The following RSRC1 variants were observed in gnomAD, a reference collection of about 807,000 sequenced individuals.
RSRC1 encodes serine/Arginine-related protein 53.
In RSRC1, 39 loss-of-function variants were observed where a neutral mutation model predicts 49.1. That is an observed-to-expected ratio of 0.79 (90% CI 0.61 to 1.04). The LOEUF is 1.04. Among genes scored for constraint, RSRC1 ranks in the 50% least tolerant of loss-of-function variants. The probability of loss-of-function intolerance (pLI) is 0.00; values close to 1 mark genes in which losing one functional copy is unlikely to be tolerated. For missense variants in RSRC1, 388 were observed against 402.4 expected (o/e 0.96, Z 0.31); for synonymous variants, 143 against 130.8 (o/e 1.09, Z -0.63).
intron 6 of RSRC1, among the ~76,000 whole-genome samples, chr3:158,405,976 T>A (rs1001325259): frequency 3.3e-5 from 5 of 152,094 alleles, no homozygotes; most frequent in Admixed American, 6.6e-5. Context: ...ACATGAAAAT[T>A]TATGTCAATA....
In RSRC1 at chr3:158,403,016, G is replaced by A. The variant is rs148540160; in HGVS notation, c.583+48108G>A. ...CCTAAAGTATCATATTCACTCTGCT[G>A]TTTTTATGGGTGCTAATACACTTTG... is the stretch of plus-strand genomic sequence containing the variant. On this transcript the variant is annotated intron_variant, in intron 6 of 9. Coordinates refer to ENST00000611884, the MANE Select transcript of RSRC1 (RefSeq NM_001271838.2). Among the ~76,000 whole-genome samples the A allele has an allele frequency of 4.7e-3, 708 of 151,882 alleles. 2 individuals are homozygous for A. Among genetic ancestry groups the A allele is most frequent in the Middle Eastern group, 0.02 (6 of 294 alleles).
chr3:158,435,683 C>T lies in RSRC1; in HGVS notation c.584-25252C>T, dbSNP rs1736005382. On this transcript the variant is annotated intron_variant, in intron 6 of 9. Transcript: ENST00000611884. ...TTCTAATTTTTAATATTGAATTATA[C>T]CCTAAATGAATTTTTTAGTAAGGGA... Among the ~76,000 whole-genome samples the T allele has an allele frequency of 2.0e-5, 3 of 151,434 alleles. No individual in the cohort carries two copies. In the South Asian group the frequency reaches 6.3e-4, roughly 32 times the overall value.
intron 6 of RSRC1, among the ~76,000 whole-genome samples, chr3:158,366,923 T>C (rs1426935430): frequency 6.6e-6 from 1 of 152,168 alleles, no homozygotes; most frequent in African/African-American, 2.4e-5. Context: ...TGAATGGGAG[T>C]TCACTCATGA....
chr3:158,230,035 G>A (rs1254375238), intron 4 of RSRC1, among the ~76,000 whole-genome samples: 1 of 151,970 alleles, frequency 6.6e-6, no homozygotes, highest in Non-Finnish European at 1.5e-5. Flanking sequence ...ATGCGATCTA[G>A]GATCATATAC....
At chr3:158,123,040 T>G (rs900133093) in intron 2 of RSRC1, among the ~76,000 whole-genome samples, 2 of 152,160 alleles carry the variant, frequency 1.3e-5, no homozygotes, top group African/African-American at 4.8e-5. Context: ...CAACGGAGTT[T>G]TGCTCTTGTT....
chr3:158,426,254 A>G (rs1022582305), intron 6 of RSRC1, among the ~76,000 whole-genome samples: 3 of 151,680 alleles, frequency 2.0e-5, no homozygotes, highest in Admixed American at 6.6e-5. Context: ...AAGGCAAAAT[A>G]AACAAAGTCA....
chr3:158,517,133 G>A (rs1236546452), intron 7 of RSRC1, among the ~76,000 whole-genome samples: 1 of 151,920 alleles, frequency 6.6e-6, no homozygotes, highest in African/African-American at 2.4e-5. Context: ...CCATTTGTTG[G>A]ATTTATTCCT....
intron 4 of RSRC1, among the ~76,000 whole-genome samples, chr3:158,239,021 G>GA (rs946825127): frequency 1.8e-4 from 27 of 149,752 alleles, no homozygotes; most frequent in East Asian, 5.9e-4. Flanking sequence ...AAATTTACAA[G>GA]AAAAAAAAAC....
At chr3:158,400,514 A>G (rs1407947041) in intron 6 of RSRC1, among the ~76,000 whole-genome samples, 1 of 152,102 alleles carries the variant, frequency 6.6e-6, no homozygotes, top group Non-Finnish European at 1.5e-5. Flanking sequence ...AGCTCCATGC[A>G]TGTTATTACC....
At chr3:158,239,718 T>C (rs1420141743) in intron 4 of RSRC1, among the ~76,000 whole-genome samples, 2 of 151,938 alleles carry the variant, frequency 1.3e-5, no homozygotes, top group African/African-American at 4.8e-5. Flanking sequence ...GAACTTAAAG[T>C]ATTAAAAAAA....
chr3:158,469,539 TAAAGCCTGTATAATA>T, intron 7 of RSRC1: 1 of 186,778 alleles, frequency 5.4e-6, no homozygotes, highest in Admixed American at 6.1e-5. Flanking sequence ...TGGTTATAGC[TAAAGCCTGTATAATA>T]TGTTTGAATG....
At chr3:158,122,050 C>T (rs1269710940) in intron 1 of RSRC1, 53 bp from the exon 2 acceptor site, 1 of 1,020,906 alleles carries the variant, frequency 9.8e-7, no homozygotes, top group Non-Finnish European at 1.4e-6. Flanking sequence ...TATTGCATTT[C>T]ATCCATTGTG....
intron 3 of RSRC1, among the ~76,000 whole-genome samples, chr3:158,178,722 A>G (rs1719406624): frequency 6.6e-6 from 1 of 152,158 alleles, no homozygotes; most frequent in African/African-American, 2.4e-5. Flanking sequence ...ATTACATTAA[A>G]TTTGTGAATT....
At chr3:158,302,368 A>G (rs1727601575) in intron 5 of RSRC1, among the ~76,000 whole-genome samples, 1 of 152,156 alleles carries the variant, frequency 6.6e-6, no homozygotes, top group East Asian at 1.9e-4. Flanking sequence ...CTTAAAGGAA[A>G]TGAGTGAAAA....
At chr3:158,259,975 G>A (rs1724796501) in intron 4 of RSRC1, among the ~76,000 whole-genome samples, 2 of 151,886 alleles carry the variant, frequency 1.3e-5, no homozygotes, top group Admixed American at 1.3e-4. Flanking sequence ...CTTCAGGTAA[G>A]TTGGGTCCCC....
At chr3:158,190,426 T>C (rs1386973584) in intron 3 of RSRC1, among the ~76,000 whole-genome samples, 1 of 151,874 alleles carries the variant, frequency 6.6e-6, no homozygotes, top group African/African-American at 2.4e-5. Context: ...GTTTTCTTTC[T>C]TTTGGCCCTT....
intron 7 of RSRC1, among the ~76,000 whole-genome samples, chr3:158,472,927 T>G (rs1245907775): frequency 1.3e-5 from 2 of 152,204 alleles, no homozygotes; most frequent in African/African-American, 4.8e-5. Context: ...CATGCATCAC[T>G]GGCCATCAGA....
At chr3:158,284,043 TCC>T (rs1364876387) in intron 4 of RSRC1, among the ~76,000 whole-genome samples, 3 of 143,952 alleles carry the variant, frequency 2.1e-5, no homozygotes, top group Non-Finnish European at 4.6e-5. Context: ...CCTCCCCCCT[TCC>T]CCCCACCCCA....
At chr3:158,162,575 C>T (rs1718294985) in intron 3 of RSRC1, among the ~76,000 whole-genome samples, 1 of 152,084 alleles carries the variant, frequency 6.6e-6, no homozygotes, top group Non-Finnish European at 1.5e-5. Context: ...AAAATCTAAG[C>T]CTTTGCATTG....
Sources: gnomAD v4.1 joint callset for allele counts (sites outside exome capture counted in the v4.1 genomes callset) on GRCh38, gnomAD v4.1.1 for gene constraint, MANE v1.5 for transcripts, NCBI Gene and HGNC (gene_info 2026-07-23, HGNC 2026-07-21) for gene names.